Variants in TTK observed in about 807,000 individuals in gnomAD.
TTK encodes the protein dual specificity protein kinase TTK.
A neutral mutation model predicts 117.3 loss-of-function variants in TTK; 59 were observed. The observed-to-expected ratio is 0.50, with a 90% CI of 0.41 to 0.62. The LOEUF (loss-of-function observed/expected upper bound fraction) is 0.62. TTK is among the 20% of genes least tolerant of loss of function. TTK has a pLI of 0.00. For synonymous variants in TTK, 302 were observed against 325.0 expected (o/e 0.93, Z 0.76); for missense variants, 921 against 989.4 (o/e 0.93, Z 0.93).
intron 11 of TTK, among the ~76,000 whole-genome samples, chr6:80,022,697 C>T (rs184424709): frequency 3.9e-5 from 6 of 152,224 alleles, no homozygotes; most frequent in Non-Finnish European, 5.9e-5. Flanking sequence ...TCTAGATTGC[C>T]GATAGACTGG....
Position 80,039,702 on chromosome 6 carries a change from C to T in TTK, c.2137C>T (p.Pro713Ser). 2.0e-6 allele frequency: 3 copies of T among 1,515,096 alleles called. No homozygotes were observed. The highest frequency in any genetic ancestry group is 2.6e-6 in the Non-Finnish European group (3 of 1,136,522). The allele number at this position is 1,515,096 out of a possible 1,614,324, so 93.9% of individuals were successfully genotyped here. Residue 713 changes from proline (P) to serine (S), a missense_variant, in exon 19 of 22, where the codon CCC (proline) becomes TCC (serine). Coordinates refer to ENST00000369798, the MANE Select transcript of TTK (RefSeq NM_003318.5). ...ENGKSKSKIS[P>S]KSDVWSLGCI... Reference sequence around the variant, plus strand: ...TTGTTTGTTTTTTTCTTAGATAAGCCCCAAAAGTGATGTTTGGTCCTTAGG... The same window carrying T: ...TTGTTTGTTTTTTTCTTAGATAAGCTCCAAAAGTGATGTTTGGTCCTTAGG...
intron 10 of TTK, among the ~76,000 whole-genome samples, chr6:80,021,432 GGCACCACATTTGT>G (rs113513505): frequency 0.037 from 5,657 of 152,246 alleles, 333 homozygotes; most frequent in African/African-American, 0.13. Flanking sequence ...CCTCACACAG[GGCACCACATTTGT>G]AACTGACTCA....
At chr6:80,022,267 C>G in intron 10 of TTK, 57 bp from the exon 11 acceptor site, 1 of 1,548,212 alleles carries the variant, frequency 6.5e-7, no homozygotes, top group Non-Finnish European at 8.8e-7. Flanking sequence ...GTTGTTTAGG[C>G]TTAGTTTATT....
Position 80,031,488 on chromosome 6 carries a change from A to G in TTK, c.1543A>G (p.Asn515Asp), listed in dbSNP as rs762067127. ...NLQVLASSSA[N>D]ECISVKGRIY... ...TTAGGTTTTAGCATCTTCTTCAGCA[A>G]ATGAATGCATTTCGGTTAAAGGAAG... Residue 515 changes from asparagine to aspartate, a missense_variant, in exon 14 of 22, where the codon AAT becomes GAT. Physicochemically the swap from Asn to Asp is conservative, Grantham distance 23. Coordinates refer to ENST00000369798, the MANE Select transcript of TTK (RefSeq NM_003318.5). The G allele has an allele frequency of 1.3e-6, 2 of 1,514,446 alleles. No individual in the cohort carries two copies. Among genetic ancestry groups the G allele is most frequent in the South Asian group, 2.9e-5 (2 of 69,646 alleles). The allele number at this position is 1,514,446 out of a possible 1,614,324, so 93.8% of individuals were successfully genotyped here. A position where few individuals can be genotyped will look rare whatever the true frequency, so the allele number is the denominator to read the frequency against.
chr6:80,036,591 G>C lies in TTK; in HGVS notation c.2041G>C (p.Asp681His), dbSNP rs57363908. Reference protein sequence around the residue: ...MQPDTTSVVKDSQVGTVNYMP... With the variant: ...MQPDTTSVVKHSQVGTVNYMP... ...ACCAGATACAACAAGTGTTGTTAAA[G>C]ATTCTCAGGTAAGACTTAATGTTGG... Residue 681 changes from aspartate to histidine, a missense_variant, in exon 17 of 22, where the codon GAT (aspartate) becomes CAT (histidine). Asp to His is a moderately conservative substitution (Grantham distance 81). Coordinates refer to ENST00000369798, the MANE Select transcript of TTK (RefSeq NM_003318.5). The C allele has an allele frequency of 1.2e-6, 2 of 1,608,240 alleles. No homozygotes were observed. The highest frequency in any genetic ancestry group is 1.7e-6 in the Non-Finnish European group (2 of 1,177,508).
At position 80,042,259 on chromosome 6, in the gene TTK, T is replaced by C; in HGVS notation, c.*57T>C. On this transcript the variant is annotated 3_prime_UTR_variant, in exon 22 of 22. Transcript: ENST00000369798. ...TATAAAATATATTGGACTGTTATAC[T>C]CTTGAATCCCTGTGGAAATCTACAT... The C allele has an allele frequency of 1.5e-6, 2 of 1,347,380 alleles. No homozygotes were observed. The highest frequency in any genetic ancestry group is 1.0e-6 in the Non-Finnish European group (1 of 969,690). The allele number at this position is 1,347,380 out of a possible 1,614,324, so 83.5% of individuals were successfully genotyped here. A position where few individuals can be genotyped will look rare whatever the true frequency, so the allele number is the denominator to read the frequency against.
rs1260078167 is a variant in TTK, at chr6:80,013,157, A to T, written c.897-122A>T. The T allele has an allele frequency of 1.8e-5, 14 of 771,268 alleles. No individual in the cohort carries two copies. The East Asian group carries it at 4.1e-4, about 23-fold the overall frequency. The allele number at this position is 771,268 out of a possible 1,614,324, so 47.8% of individuals were successfully genotyped here. Reference sequence around the variant, plus strand: ...ATGTCACTCTAAAAAATGTCTTTTTAAGAGATTTTTTTCAATAAAAAGTAT... The same window carrying T: ...ATGTCACTCTAAAAAATGTCTTTTTTAGAGATTTTTTTCAATAAAAAGTAT... On this transcript the variant is annotated intron_variant, in intron 8 of 21. Transcript: ENST00000369798.
chr6:80,011,225 T>C (rs1311688848), intron 5 of TTK, among the ~76,000 whole-genome samples: 1 of 151,802 alleles, frequency 6.6e-6, no homozygotes, highest in Non-Finnish European at 1.5e-5. Context: ...GAGAATGTGC[T>C]TTTACCCTGG....
intron 10 of TTK, among the ~76,000 whole-genome samples, chr6:80,019,421 T>C (rs1181421519): frequency 6.6e-6 from 1 of 152,204 alleles, no homozygotes; most frequent in Non-Finnish European, 1.5e-5. Flanking sequence ...GATAATTTTT[T>C]CTTAATTGGA....
At chr6:80,010,470 C>G (rs1767112906) in intron 4 of TTK, among the ~76,000 whole-genome samples, 2 of 150,234 alleles carry the variant, frequency 1.3e-5, no homozygotes, top group South Asian at 2.1e-4. Flanking sequence ...CTGTTTCTAA[C>G]TGTTGTGATT....
intron 16 of TTK, 137 bp downstream of exon 16, chr6:80,035,554 T>A: frequency 2.1e-6 from 2 of 962,610 alleles, no homozygotes; most frequent in Non-Finnish European, 2.9e-6. Context: ...GAAGTTTATT[T>A]AAAGATAAAG....
At position 80,027,999 on chromosome 6, in the gene TTK, T is replaced by C; in HGVS notation, c.1509T>C (p.Leu503=). The C allele has an allele frequency of 6.2e-7, 1 of 1,600,762 alleles. No individual in the cohort carries two copies. ...QQQHQILATP[L]QNLQVLASSS... Reference sequence around the variant, plus strand: ...AGCATCAAATACTTGCCACTCCACTTCAAAATTTACAGGTTCGATAAGCTT... The same window carrying C: ...AGCATCAAATACTTGCCACTCCACTCCAAAATTTACAGGTTCGATAAGCTT... Residue 503 remains leucine (L), a synonymous_variant, in exon 13 of 22, where the codon CTT becomes CTC. Coordinates refer to ENST00000369798, the MANE Select transcript of TTK (RefSeq NM_003318.5).
intron 11 of TTK, 130 bp from the exon 12 acceptor site, chr6:80,026,248 C>G (rs956104727): frequency 1.1e-6 from 1 of 915,044 alleles, no homozygotes; most frequent in Non-Finnish European, 1.6e-6. Flanking sequence ...ATATATATGC[C>G]TATCTCTTTT....
chr6:80,028,166 G>A (rs1398884408), intron 13 of TTK, among the ~76,000 whole-genome samples, 155 bp downstream of exon 13: 1 of 152,040 alleles, frequency 6.6e-6, no homozygotes, highest in African/African-American at 2.4e-5. Context: ...ATAAGAGTGT[G>A]CCTTGTGGCT....
At chr6:80,034,234 A>T (rs1347674094) in intron 14 of TTK, among the ~76,000 whole-genome samples, 1 of 152,154 alleles carries the variant, frequency 6.6e-6, no homozygotes, top group African/African-American at 2.4e-5. Context: ...TATTGAGAGT[A>T]TCTAGAACAG....
chr6:80,017,781 C>T (rs239572), intron 10 of TTK, among the ~76,000 whole-genome samples: 93,963 of 152,022 alleles, frequency 0.62, 29,483 homozygotes, highest in Admixed American at 0.73. Flanking sequence ...TTGGGAGAAA[C>T]TGACATCTTT....
At position 80,039,165 on chromosome 6, in the gene TTK, G is replaced by C. The variant is rs1767982091; in HGVS notation, c.2131-531G>C. Among the ~76,000 whole-genome samples, 3 of 152,078 alleles carry C rather than the reference G, an allele frequency of 2.0e-5. No homozygotes were observed. In the South Asian group the frequency reaches 6.2e-4, roughly 31 times the overall value. ...TTTAAAAGAATTGCTAACTGAATTA[G>C]TTTTTTACTTTGAAGATGTTTTAAA... On this transcript the variant is annotated intron_variant, in intron 18 of 21. Coordinates refer to ENST00000369798, the MANE Select transcript of TTK (RefSeq NM_003318.5).
chr6:80,011,501 C>G lies in TTK; in HGVS notation c.681C>G (p.Asn227Lys), dbSNP rs985195988. Residue 227 changes from asparagine to lysine, a missense_variant, in exon 6 of 22, where the codon AAC becomes AAG. Asn to Lys is a moderately conservative substitution (Grantham distance 94, BLOSUM62 0). Coordinates refer to ENST00000369798, the MANE Select transcript of TTK (RefSeq NM_003318.5). ...TTGGGCATTTACAGAATAGGAACAA[C>G]AGTTGTGATTCCAGAGGACAGACTA... ...GSLGHLQNRNNSCDSRGQTTK... is the reference protein window; with the variant it reads ...GSLGHLQNRNKSCDSRGQTTK... 1.9e-6 allele frequency: 3 copies of G among 1,610,290 alleles called. No individual in the cohort carries two copies. In the African/African-American group the frequency reaches 4.0e-5, roughly 22 times the overall value.
At chr6:80,037,897 T>C (rs1767948107) in intron 17 of TTK, 70 bp from the exon 18 acceptor site, 2 of 669,310 alleles carry the variant, frequency 3.0e-6, no homozygotes, top group Non-Finnish European at 4.4e-6. Flanking sequence ...ATAATAATAA[T>C]CTCAAAAAAA....
Sources: allele counts gnomAD v4.1 joint callset (sites outside exome capture counted in the v4.1 genomes callset), GRCh38; gene constraint gnomAD v4.1.1; transcripts MANE v1.5; gene names NCBI Gene and HGNC (gene_info 2026-07-23, HGNC 2026-07-21).